Variants in DAB1 observed in about 807,000 individuals in gnomAD.
DAB1 encodes disabled homolog 1.
DAB1 carries 15 observed loss-of-function variants against 64.6 expected under a neutral mutation model. The ratio of observed to expected loss-of-function variants is 0.23; its 90% CI spans 0.16 to 0.36. The LOEUF (loss-of-function observed/expected upper bound fraction) is 0.36. Ranked by LOEUF, DAB1 falls within the 10% of genes least tolerant of loss-of-function variation. DAB1 has a pLI of 1.00. For synonymous variants in DAB1, 235 were observed against 251.9 expected (o/e 0.93, Z 0.64); for missense variants, 596 against 706.7 (o/e 0.84, Z 1.78).
At chr1:58,225,497 A>C (rs1450422614) in intron 4 of DAB1, among the ~76,000 whole-genome samples, 1 of 151,938 alleles carries the variant, frequency 6.6e-6, no homozygotes, top group East Asian at 1.9e-4. Context: ...ATGCTGCTAT[A>C]AAGACACATG....
intron 7 of DAB1, among the ~76,000 whole-genome samples, chr1:57,507,941 T>A (rs985138019): frequency 1.3e-5 from 2 of 152,204 alleles, no homozygotes; most frequent in African/African-American, 4.8e-5. Flanking sequence ...GTTAGAATCA[T>A]CTGAAGAACT....
At chr1:58,032,822 T>C (rs1570253509) in intron 5 of DAB1, among the ~76,000 whole-genome samples, 5 of 152,318 alleles carry the variant, frequency 3.3e-5, no homozygotes, top group East Asian at 3.9e-4. Context: ...ATGGTGGGCA[T>C]AAACTGGCAG....
intron 2 of DAB1, among the ~76,000 whole-genome samples, chr1:57,190,208 C>T (rs543578214): frequency 9.9e-5 from 15 of 152,214 alleles, no homozygotes; most frequent in Admixed American, 2.0e-4. Flanking sequence ...AATCAGTTTC[C>T]ACGTAAGGCT....
rs144668670 is a variant in DAB1 at position 57,985,595 on chromosome 1, A to T, written n.388-101433T>A. Among the ~76,000 whole-genome samples, 5 of 152,176 alleles carry T rather than the reference A, an allele frequency of 3.3e-5. No individual in the cohort carries two copies. In the East Asian group the frequency reaches 9.6e-4, roughly 29 times the overall value. ...ACTGGTGTAAGGAGTCAAGGAGAGA[A>T]AAATATAAAGTTTCCAACGTGGTCC... On this transcript the variant is annotated intron_variant and non_coding_transcript_variant, in intron 5 of 20. Coordinates refer to the DAB1 transcript ENST00000485760.
chr1:58,545,419 C>CG (rs1646686211), intron 1 of DAB1, among the ~76,000 whole-genome samples: 1 of 152,048 alleles, frequency 6.6e-6, no homozygotes, highest in South Asian at 2.1e-4. Flanking sequence ...TTGTAATACC[C>CG]GGTTTATCCT....
At chr1:58,523,601 AAAG>A (rs891398850) in intron 2 of DAB1, among the ~76,000 whole-genome samples, 10 of 152,238 alleles carry the variant, frequency 6.6e-5, no homozygotes, top group African/African-American at 2.2e-4. Context: ...GAGAATGTAA[AAAG>A]AACTGGCAGT....
intron 3 of DAB1, among the ~76,000 whole-genome samples, chr1:57,142,291 G>C (rs750809334): frequency 6.6e-6 from 1 of 151,764 alleles, no homozygotes; most frequent in Non-Finnish European, 1.5e-5. Context: ...ATGGCCTAAC[G>C]TGAGTAAGTG....
chr1:57,790,236 G>A (rs1650530733), intron 6 of DAB1, among the ~76,000 whole-genome samples: 1 of 152,142 alleles, frequency 6.6e-6, no homozygotes, highest in South Asian at 2.1e-4. Flanking sequence ...CTGAATCATG[G>A]GAGAAGTTAC....
chr1:58,177,598 T>C (rs1477246048), intron 4 of DAB1, among the ~76,000 whole-genome samples: 1 of 152,118 alleles, frequency 6.6e-6, no homozygotes, highest in Non-Finnish European at 1.5e-5. Flanking sequence ...GTACTGTAGA[T>C]TTAGGGAGAT....
At chr1:57,679,564 C>T (rs879205212) in intron 6 of DAB1, among the ~76,000 whole-genome samples, 1 of 152,192 alleles carries the variant, frequency 6.6e-6, no homozygotes, top group Admixed American at 6.5e-5. Context: ...TGAATTAATG[C>T]TAAAGTTTAT....
intron 5 of DAB1, among the ~76,000 whole-genome samples, chr1:58,036,017 C>A (rs1441664340): frequency 1.3e-5 from 2 of 152,114 alleles, no homozygotes; most frequent in African/African-American, 4.8e-5. Context: ...GTCTCCAAAC[C>A]CCACTTAGCC....
chr1:57,747,842 T>G (rs902175237), intron 6 of DAB1, among the ~76,000 whole-genome samples: 10 of 143,990 alleles, frequency 6.9e-5, no homozygotes, highest in African/African-American at 2.6e-4. Context: ...AAGAATACCA[T>G]TGTATTCTGA....
chr1:58,107,803 GC>G (rs1651750978), intron 5 of DAB1, among the ~76,000 whole-genome samples: 1 of 151,898 alleles, frequency 6.6e-6, no homozygotes, highest in Admixed American at 6.6e-5. Context: ...TTTTAGTACA[GC>G]CGGGGTTTCT....
intron 1 of DAB1, among the ~76,000 whole-genome samples, chr1:57,840,969 G>T (rs894775371): frequency 2.6e-5 from 4 of 152,118 alleles, no homozygotes; most frequent in African/African-American, 4.8e-5. Context: ...TAACTCAAAA[G>T]TCCAAGTCCA....
intron 5 of DAB1, among the ~76,000 whole-genome samples, chr1:58,051,183 T>C (rs1647633535): frequency 1.3e-5 from 2 of 152,134 alleles, no homozygotes; most frequent in Admixed American, 6.5e-5. Context: ...TTTCTCCTAA[T>C]GCTATTCCTC....
chr1:58,541,265 G>C (rs1321975178), intron 1 of DAB1, among the ~76,000 whole-genome samples: 1 of 105,128 alleles, frequency 9.5e-6, no homozygotes, highest in Admixed American at 1.6e-4. Flanking sequence ...CTGCATTCCA[G>C]CCTGGGCAAC....
chr1:57,137,647 A>G (rs1410605988), intron 3 of DAB1, among the ~76,000 whole-genome samples: 1 of 152,154 alleles, frequency 6.6e-6, no homozygotes. Context: ...GAGGCTCATT[A>G]CTGCCAGCCT....
intron 3 of DAB1, among the ~76,000 whole-genome samples, chr1:58,389,986 A>G: frequency 6.6e-6 from 1 of 152,036 alleles, no homozygotes; most frequent in African/African-American, 2.4e-5. Flanking sequence ...AGGGGGTTCA[A>G]AATCCTACAT....
chr1:58,301,492 G>A (rs754716584), intron 4 of DAB1, among the ~76,000 whole-genome samples: 25 of 147,638 alleles, frequency 1.7e-4, no homozygotes, highest in African/African-American at 6.3e-4. Flanking sequence ...ATTATTTTGC[G>A]AATTTTTTTT....
Sources: gnomAD v4.1 joint callset for allele counts (sites outside exome capture counted in the v4.1 genomes callset) on GRCh38, gnomAD v4.1.1 for gene constraint, MANE v1.5 for transcripts, NCBI Gene and HGNC (gene_info 2026-07-23, HGNC 2026-07-21) for gene names.